CELSR1: variants seen among roughly 807,000 people sequenced by gnomAD.
CELSR1 encodes the protein adhesion G protein-coupled receptor C1.
A neutral mutation model predicts 249.1 loss-of-function variants in CELSR1; 110 were observed. The ratio of observed to expected loss-of-function variants is 0.44; its 90% CI spans 0.38 to 0.52. The LOEUF is 0.52. CELSR1 is among the 20% of genes least tolerant of loss of function. CELSR1 has a pLI of 0.00. For missense variants in CELSR1, 4,109 were observed against 4,296.4 expected (o/e 0.96, Z 1.22); for synonymous variants, 2,113 against 1,900.0 (o/e 1.11, Z -2.92).
In CELSR1 at chr22:46,398,608, G is replaced by A. The variant is rs537269260; in HGVS notation, c.5442C>T (p.Pro1814=). 1.6e-4 allele frequency: 251 copies of A among 1,613,660 alleles called. 1 individual carries two copies. The highest frequency in any genetic ancestry group is 2.0e-4 in the Non-Finnish European group (232 of 1,179,916). ...CCACCACGCTCCTTACCGTCAGCCC[G>A]GGAAGCATGCCCCCGATATCTGCCT... The part of the protein sequence containing the change: ...QNKADIGGML[P]GLTVRSVVVG... The change falls in exon 11 of 35, where the codon CCC becomes CCT. Residue 1814 remains proline (P), a synonymous_variant. Coordinates refer to ENST00000674500, the MANE Select transcript of CELSR1 (RefSeq NM_001378328.1). This position sits in a 1 kb window ranked among gnomAD's most constrained non-coding sequence, Gnocchi z 7.2.
intron 1 of CELSR1, among the ~76,000 whole-genome samples, chr22:46,521,864 C>T (rs2080689439): frequency 6.6e-6 from 1 of 152,186 alleles, no homozygotes; most frequent in South Asian, 2.1e-4. Context: ...AGAGCATACC[C>T]AGAAGCGGGA....
At chr22:46,386,745 TTTTGTTG>T (rs2079038362) in intron 18 of CELSR1, among the ~76,000 whole-genome samples, 160 bp from the exon 19 acceptor site, 2 of 150,994 alleles carry the variant, frequency 1.3e-5, no homozygotes, top group South Asian at 4.2e-4. Context: ...GTTTTTTGTT[TTTTGTTG>T]TTTTTTGTGT....
intron 9 of CELSR1, among the ~76,000 whole-genome samples, chr22:46,405,882 C>T (rs1203466444): frequency 6.6e-6 from 1 of 152,166 alleles, no homozygotes; most frequent in Non-Finnish European, 1.5e-5. Context: ...CCAGAACCTT[C>T]GGTAACGTGT....
Position 46,364,724 on chromosome 22 carries a change from G to A in CELSR1, c.8567C>T (p.Ala2856Val). ...VHSTPKGDAV[A>V]NHVPAGWPDQ... ...GGGCCAGCCGGCCGGAACGTGGTTG[G>A]CCACAGCGTCCCCTGAGGCACGAGA... is the stretch of plus-strand genomic sequence containing the variant. Residue 2856 changes from alanine to valine, a missense_variant, in exon 33 of 35, where the codon GCC becomes GTC. Physicochemically the swap from Ala to Val is moderately conservative, Grantham distance 64. Around this residue, in one of 7 missense-constraint regions of CELSR1, gnomAD observed 1,805 missense variants for 1,831.6 expected, o/e 0.99. Transcript: ENST00000674500. 1 of 1,611,986 alleles carries A rather than the reference G, an allele frequency of 6.2e-7. No homozygotes were observed. Among genetic ancestry groups the A allele is most frequent in the Non-Finnish European group, 8.5e-7 (1 of 1,179,716 alleles).
In CELSR1 at chr22:46,463,866, G is replaced by A. The variant is rs2080063871; in HGVS notation, c.4024C>T (p.His1342Tyr). 1.2e-6 allele frequency: 2 copies of A among 1,612,786 alleles called. No individual in the cohort carries two copies. The highest frequency in any genetic ancestry group is 1.1e-5 in the South Asian group (1 of 90,976). Residue 1342 changes from histidine (H) to tyrosine (Y), a missense_variant, in exon 2 of 35, where the codon CAC becomes TAC. This residue lies in a region of CELSR1 where 141 missense variants were observed against 209.4 expected (regional missense o/e 0.67). Transcript: ENST00000674500. ...CGGCAGCGCAGGCCGTTGATGGGGT[G>A]GATGGGCCGGAAGAGCACGGTGGTG... Reference protein sequence around the residue: ...SSTTVLFRPIHPINGLRCRCP... With the variant: ...SSTTVLFRPIYPINGLRCRCP...
At chr22:46,458,849 C>T (rs1055816881) in intron 2 of CELSR1, among the ~76,000 whole-genome samples, 2 of 152,194 alleles carry the variant, frequency 1.3e-5, no homozygotes, top group Non-Finnish European at 2.9e-5. Context: ...GACTTCCGTT[C>T]TTGGTCACCA....
Position 46,533,960 on chromosome 22 carries a change from C to T in CELSR1, c.3211G>A (p.Val1071Met). The T allele has an allele frequency of 2.5e-6, 4 of 1,613,440 alleles. No homozygotes were observed. The highest frequency in any genetic ancestry group is 1.1e-5 in the South Asian group (1 of 91,084). The change falls in exon 1 of 35, where the codon GTG (valine) becomes ATG (methionine). Residue 1071 changes from valine to methionine, a missense_variant. Around this residue, in one of 7 missense-constraint regions of CELSR1, gnomAD observed 886 missense variants for 896.5 expected, o/e 0.99. Transcript: ENST00000674500. ...GCCGACGTGGCCTGCACCACCAGCA[C>T]ATACTCCCGCCGGACCTCAAAGTCC... is the stretch of plus-strand genomic sequence containing the variant. Reference protein sequence around the residue: ...ELDFEVRREYVLVVQATSAPL... With the variant: ...ELDFEVRREYMLVVQATSAPL...
At chr22:46,367,294 G>A (rs960271099) in intron 28 of CELSR1, among the ~76,000 whole-genome samples, 176 bp from the exon 29 acceptor site, 39 of 152,230 alleles carry the variant, frequency 2.6e-4, no homozygotes, top group African/African-American at 6.0e-4. Flanking sequence ...GAGGCCAGGT[G>A]GGGGAGCTCA....
Position 46,380,664 on chromosome 22 carries a change from T to TA in CELSR1, c.7256+123dup. On this transcript the variant is annotated intron_variant, in intron 22 of 34. Transcript: ENST00000674500. The surrounding 1 kb of genome is among the most constrained non-coding windows in gnomAD (Gnocchi z 5.1). The stretch of plus-strand genomic sequence containing the variant: ...AGGCTCACTGCCCCCACGGGGGACT[T>TA]AAAGGGGAAACACAGACCACAAGAG... The TA allele has an allele frequency of 4.3e-6, 5 of 1,155,748 alleles. No homozygotes were observed. Among genetic ancestry groups the TA allele is most frequent in the Non-Finnish European group, 4.9e-6 (4 of 819,478 alleles). 71.6% of individuals were successfully genotyped at this position (1,155,748 alleles called of 1,614,324 possible). A position where few individuals can be genotyped will look rare whatever the true frequency, so the allele number is the denominator to read the frequency against.
chr22:46,383,761 G>A (rs2079003740), intron 20 of CELSR1, among the ~76,000 whole-genome samples: 1 of 152,126 alleles, frequency 6.6e-6, no homozygotes, highest in African/African-American at 2.4e-5. Flanking sequence ...GAATTTCTGG[G>A]CTCAAGCAAT....
At chr22:46,419,692 ATGTGTACACTCGCCCACTCACACTCACG>A (rs1299079934) in intron 5 of CELSR1, among the ~76,000 whole-genome samples, 1 of 152,202 alleles carries the variant, frequency 6.6e-6, no homozygotes, top group African/African-American at 2.4e-5. Context: ...CTTACCAAAA[ATGTGTACACTCGCCCACTCACACTCACG>A]TGTGTACACT....
chr22:46,467,683 A>G (rs1020320345), intron 1 of CELSR1, among the ~76,000 whole-genome samples: 5 of 151,858 alleles, frequency 3.3e-5, no homozygotes, highest in African/African-American at 1.2e-4. Flanking sequence ...TTAGCCAGGC[A>G]TGGTGGCAGG....
chr22:46,490,439 A>G lies in CELSR1; in HGVS notation c.3545-26094T>C, dbSNP rs1205710011. ...GTAGCTGGGATCACAGGCACCCACC[A>G]TCTCGTCTGGCTAATTTTTGTATTT... On this transcript the variant is annotated intron_variant, in intron 1 of 34. Transcript: ENST00000674500. This position sits in a 1 kb window ranked among gnomAD's most constrained non-coding sequence, Gnocchi z 5.2. 6.6e-6 allele frequency among the ~76,000 whole-genome samples: 1 copy of G among 151,938 alleles called. No homozygotes were observed. Among genetic ancestry groups the G allele is most frequent in the African/African-American group, 2.4e-5 (1 of 41,378 alleles).
intron 1 of CELSR1, among the ~76,000 whole-genome samples, chr22:46,522,266 C>G (rs775182247): frequency 6.6e-6 from 1 of 152,176 alleles, no homozygotes; most frequent in Admixed American, 6.5e-5. Context: ...GCTGAGACTA[C>G]AGGTTCATGC....
intron 5 of CELSR1, among the ~76,000 whole-genome samples, chr22:46,420,426 GCA>G (rs1364716102): frequency 2.6e-5 from 4 of 151,646 alleles, no homozygotes; most frequent in South Asian, 2.1e-4. Context: ...TCACACACGT[GCA>G]CACACCCACA....
intron 1 of CELSR1, among the ~76,000 whole-genome samples, chr22:46,478,862 C>T (rs1160018393): frequency 4.0e-5 from 6 of 151,614 alleles, no homozygotes; most frequent in African/African-American, 9.7e-5. Context: ...GAAGATGAGA[C>T]GTCTTAGTAA....
In CELSR1 at chr22:46,361,231, T is replaced by G. The variant is rs927719382; in HGVS notation, c.*1992A>C. The G allele has an allele frequency of 6.6e-6, 1 of 152,340 alleles. No homozygotes were observed. Among genetic ancestry groups the G allele is most frequent in the Non-Finnish European group, 1.5e-5 (1 of 68,048 alleles). 9.4% of individuals were successfully genotyped at this position (152,340 alleles called of 1,614,324 possible). Reference sequence around the variant, plus strand: ...TCTTCTCATTTGTAATTCCAGTGTTTTGAACATTAATAAATACACGTTCTG... The same window carrying G: ...TCTTCTCATTTGTAATTCCAGTGTTGTGAACATTAATAAATACACGTTCTG... On this transcript the variant is annotated 3_prime_UTR_variant, in exon 35 of 35. Transcript: ENST00000674500.
rs930459860 is a variant in CELSR1, at chr22:46,517,507, C to T, written c.3544+16120G>A. Among the ~76,000 whole-genome samples, 5 of 152,132 alleles carry T rather than the reference C, an allele frequency of 3.3e-5. No individual in the cohort carries two copies. Among genetic ancestry groups the T allele is most frequent in the African/African-American group, 1.2e-4 (5 of 41,442 alleles). ...CCACAATGGCTGATGTGCACTGTCC[C>T]GGCGCCCCAGGCCGGCTCTTGTCTT... On this transcript the variant is annotated intron_variant, in intron 1 of 34. Transcript: ENST00000674500. This position sits in a 1 kb window ranked among gnomAD's most constrained non-coding sequence, Gnocchi z 5.4.
chr22:46,382,846 G>A (rs1002293243), intron 20 of CELSR1, among the ~76,000 whole-genome samples: 7 of 152,196 alleles, frequency 4.6e-5, no homozygotes, highest in African/African-American at 9.6e-5. Context: ...CCCTAGAGGA[G>A]TCAAATTCAA....
Sources: allele counts gnomAD v4.1 joint callset (sites outside exome capture counted in the v4.1 genomes callset), GRCh38; gene constraint gnomAD v4.1.1; regional missense constraint gnomAD v4.1.1; non-coding constraint Gnocchi (gnomAD v3.1); transcripts MANE v1.5; gene names NCBI Gene and HGNC (gene_info 2026-07-23, HGNC 2026-07-21).